The following CNTNAP2 variants were observed in gnomAD, a reference collection of about 807,000 sequenced individuals.
CNTNAP2 encodes the protein contactin associated protein 2, also known as contactin-associated protein-like 2.
Under a neutral mutation model 155.2 loss-of-function variants are expected in CNTNAP2, and 98 were observed. That is an observed-to-expected ratio of 0.63 (90% confidence interval 0.54 to 0.75). CNTNAP2 has a LOEUF of 0.75. CNTNAP2 is among the 30% of genes least tolerant of loss of function. The pLI is 0.00. For synonymous variants in CNTNAP2, 651 were observed against 631.2 expected, an observed-to-expected ratio of 1.03 and a Z score of -0.47; for missense variants, 1,727 against 1,688.1, an observed-to-expected ratio of 1.02 and a Z score of -0.40.
chr7:148,408,277 A>ACAC (rs1563076892), intron 22 of CNTNAP2, among the ~76,000 whole-genome samples: 1 of 150,222 alleles, frequency 6.7e-6, no homozygotes, highest in Non-Finnish European at 1.5e-5. Context: ...CACACACACA[A>ACAC]AAAAAGAATA....
chr7:147,226,282 T>C (rs1412193398), intron 8 of CNTNAP2, among the ~76,000 whole-genome samples: 1 of 152,188 alleles, frequency 6.6e-6, no homozygotes, highest in African/African-American at 2.4e-5. Context: ...TGCAATATGA[T>C]CGAGGTCTTT....
At chr7:148,360,155 C>T (rs562794270) in intron 21 of CNTNAP2, among the ~76,000 whole-genome samples, 2 of 152,268 alleles carry the variant, frequency 1.3e-5, no homozygotes, top group African/African-American at 4.8e-5. Context: ...AATGATACAA[C>T]AAGCAACAAC....
chr7:147,121,109 C>T lies in CNTNAP2; in HGVS notation c.885C>T (p.Ser295=). The T allele has an allele frequency of 1.2e-6, 2 of 1,614,182 alleles. No homozygotes were observed. The highest frequency in any genetic ancestry group is 1.7e-6 in the Non-Finnish European group (2 of 1,180,016). The change falls in exon 6 of 24, where the codon AGC becomes AGT. Residue 295 remains serine, a synonymous_variant. Coordinates refer to ENST00000361727, the MANE Select transcript of CNTNAP2 (RefSeq NM_014141.6). ...GRSINLTLDR[S]MQHFRTNGEF... ...GCATTAACCTCACTCTGGACAGGAG[C>T]ATGCAGCACTTCCGTACCAATGGAG...
Position 146,350,365 on chromosome 7 carries a change from G to A in CNTNAP2, c.97+233392G>A, listed in dbSNP as rs1335386923. Among the ~76,000 whole-genome samples, 34 of 151,956 alleles carry A rather than the reference G, an allele frequency of 2.2e-4. 1 individual carries two copies. In the South Asian group the frequency reaches 2.9e-3, roughly 13 times the overall value. On this transcript the variant is annotated intron_variant, in intron 1 of 23. Transcript: ENST00000361727. ...CAAACAACCCCATCAAAAAGTGGGC[G>A]AAGGATATGAACAGACACTTCTCAA...
intron 1 of CNTNAP2, among the ~76,000 whole-genome samples, chr7:146,551,903 T>C (rs1798128284): frequency 6.6e-6 from 1 of 152,112 alleles, no homozygotes; most frequent in African/African-American, 2.4e-5. Context: ...TTCTGAGTTA[T>C]TCAGCTCATA....
chr7:147,375,780 G>T (rs911834376), intron 9 of CNTNAP2, among the ~76,000 whole-genome samples: 3 of 152,058 alleles, frequency 2.0e-5, no homozygotes, highest in South Asian at 4.1e-4. Flanking sequence ...CCCAACAGTT[G>T]TACTCATATT....
At chr7:146,674,586 T>C (rs373516786) in intron 1 of CNTNAP2, among the ~76,000 whole-genome samples, 77 of 152,226 alleles carry the variant, frequency 5.1e-4, no homozygotes, top group African/African-American at 1.8e-3. Context: ...AAAAGAGAGA[T>C]TATCAAGAAT....
At chr7:148,162,848 T>A (rs1243057994) in intron 17 of CNTNAP2, among the ~76,000 whole-genome samples, 2 of 151,488 alleles carry the variant, frequency 1.3e-5, no homozygotes, top group Non-Finnish European at 2.9e-5. Context: ...AAAATTTTTT[T>A]AATTAACCAG....
intron 3 of CNTNAP2, among the ~76,000 whole-genome samples, chr7:146,971,292 C>G (rs186948449): frequency 7.2e-5 from 11 of 152,216 alleles, no homozygotes; most frequent in Non-Finnish European, 1.3e-4. Context: ...ATGTTGACCT[C>G]TGACAGAAGC....
chr7:147,888,116 G>A (rs185424470), intron 13 of CNTNAP2, among the ~76,000 whole-genome samples: 97 of 152,052 alleles, frequency 6.4e-4, no homozygotes, highest in Admixed American at 1.4e-3. Flanking sequence ...AAATGTATGG[G>A]GAAACAAGAT....
chr7:147,402,604 T>G (rs1317053798), intron 10 of CNTNAP2, among the ~76,000 whole-genome samples: 1 of 152,184 alleles, frequency 6.6e-6, no homozygotes, highest in Non-Finnish European at 1.5e-5. Context: ...CTTCGTCTGA[T>G]CTACCAGCCA....
chr7:148,191,417 C>T (rs914438311), intron 18 of CNTNAP2, among the ~76,000 whole-genome samples: 1 of 152,188 alleles, frequency 6.6e-6, no homozygotes, highest in Non-Finnish European at 1.5e-5. Context: ...GAACCATAGT[C>T]ATATATTTCT....
intron 1 of CNTNAP2, among the ~76,000 whole-genome samples, chr7:146,465,310 G>C (rs1745678985): frequency 6.6e-6 from 1 of 152,144 alleles, no homozygotes; most frequent in Admixed American, 6.5e-5. Flanking sequence ...AATGTGGCAG[G>C]GTAGCAAAAA....
intron 8 of CNTNAP2, among the ~76,000 whole-genome samples, chr7:147,227,821 A>G (rs1584805074): frequency 6.6e-6 from 1 of 152,164 alleles, no homozygotes; most frequent in Admixed American, 6.5e-5. Context: ...GGGAGACATG[A>G]TCTGGGGGTG....
intron 18 of CNTNAP2, among the ~76,000 whole-genome samples, chr7:148,194,306 T>G (rs753249147): frequency 6.6e-6 from 1 of 152,052 alleles, no homozygotes; most frequent in Non-Finnish European, 1.5e-5. Context: ...CTCTTTCAAG[T>G]ACCTTTAAAG....
intron 21 of CNTNAP2, among the ~76,000 whole-genome samples, chr7:148,319,005 A>G (rs756788002): frequency 4.6e-5 from 7 of 152,210 alleles, no homozygotes; most frequent in Non-Finnish European, 8.8e-5. Flanking sequence ...AAGTTTAACA[A>G]CTTCCCCATG....
intron 21 of CNTNAP2, among the ~76,000 whole-genome samples, chr7:148,340,321 A>G (rs911692683): frequency 1.3e-5 from 2 of 152,176 alleles, no homozygotes; most frequent in Admixed American, 6.5e-5. Context: ...AATAATTAAC[A>G]TCCCGAGGGA....
At chr7:147,869,406 G>T (rs1253083454) in intron 13 of CNTNAP2, among the ~76,000 whole-genome samples, 1 of 152,144 alleles carries the variant, frequency 6.6e-6, no homozygotes, top group Non-Finnish European at 1.5e-5. Flanking sequence ...ATGGATCAAA[G>T]GGAAATCTCC....
intron 10 of CNTNAP2, among the ~76,000 whole-genome samples, chr7:147,438,302 TGA>T (rs761487215): frequency 1.3e-5 from 2 of 152,072 alleles, no homozygotes; most frequent in Non-Finnish European, 2.9e-5. Context: ...CCCCAGTTTT[TGA>T]GAGTTTTTAT....
Sources: allele counts gnomAD v4.1 joint callset (sites outside exome capture counted in the v4.1 genomes callset), GRCh38; gene constraint gnomAD v4.1.1; transcripts MANE v1.5; gene names NCBI Gene and HGNC (gene_info 2026-07-23, HGNC 2026-07-21).